Variants in FSTL4 observed in about 807,000 individuals in gnomAD.
FSTL4 encodes the protein follistatin-related protein 4.
In FSTL4, 28 loss-of-function variants were observed where a neutral mutation model predicts 78.2. The observed-to-expected ratio is 0.36, with a 90% confidence interval of 0.27 to 0.49. The LOEUF (loss-of-function observed/expected upper bound fraction) is 0.49. Ranked by LOEUF, FSTL4 falls within the 20% of genes least tolerant of loss-of-function variation. The pLI is 0.98. For missense variants in FSTL4, 922 were observed against 1,084.9 expected, an observed-to-expected ratio of 0.85 and a Z score of 2.11; for synonymous variants, 422 against 440.5, an observed-to-expected ratio of 0.96 and a Z score of 0.53.
the FSTL4 span, among the ~76,000 whole-genome samples, chr5:133,674,978 G>A: frequency 1.1e-3 from 171 of 152,242 alleles, 5 homozygotes; most frequent in East Asian, 0.029. Context: ...ATAAGTGCTC[G>A]TGGAGATTGC....
At chr5:133,285,047 T>A (rs1003368096) in intron 6 of FSTL4, among the ~76,000 whole-genome samples, 16 of 152,304 alleles carry the variant, frequency 1.1e-4, no homozygotes, top group African/African-American at 3.4e-4. Flanking sequence ...GGTGATGCTA[T>A]GGAAGCCCCA....
the FSTL4 span, among the ~76,000 whole-genome samples, chr5:133,780,544 G>A: frequency 6.6e-6 from 1 of 152,114 alleles, no homozygotes; most frequent in Non-Finnish European, 1.5e-5. Flanking sequence ...ACCTGGCCTG[G>A]CTTATCTGCA....
At chr5:133,764,930 A>T in the FSTL4 span, among the ~76,000 whole-genome samples, 4 of 152,256 alleles carry the variant, frequency 2.6e-5, no homozygotes, top group African/African-American at 9.6e-5. Flanking sequence ...GAACATCCAC[A>T]TCAGACTTGC....
chr5:133,487,707 C>A (rs1758165425), intron 3 of FSTL4, among the ~76,000 whole-genome samples: 1 of 152,140 alleles, frequency 6.6e-6, no homozygotes. Flanking sequence ...CAGGTGTGGC[C>A]AGGGACTGTG....
Position 133,199,678 on chromosome 5 carries a change from T to C in FSTL4, c.1946A>G (p.His649Arg). 6.2e-7 allele frequency: 1 copy of C among 1,614,034 alleles called. No individual in the cohort carries two copies. The highest frequency in any genetic ancestry group is 1.3e-5 in the African/African-American group (1 of 75,024). The change falls in exon 16 of 16, where the codon CAC becomes CGC. Residue 649 changes from histidine (H) to arginine (R), a missense_variant. Transcript: ENST00000265342. The surrounding 1 kb of genome is among the most constrained non-coding windows in gnomAD (Gnocchi z 4.4). ...HHGCVPQAMA[H>R]THLGGYFFIQ... ...GAAGAAGTAGCCGCCCAGGTGGGTG[T>C]GTGCCATGGCCTGGGGCACGCAGCC...
chr5:133,406,783 C>A (rs1756374255), intron 3 of FSTL4, among the ~76,000 whole-genome samples: 1 of 152,224 alleles, frequency 6.6e-6, no homozygotes, highest in African/African-American at 2.4e-5. Context: ...CTCATTTAAT[C>A]CTCCTTAAAG....
intron 3 of FSTL4, among the ~76,000 whole-genome samples, chr5:133,522,415 G>A (rs1316361106): frequency 2.6e-5 from 4 of 151,958 alleles, no homozygotes; most frequent in African/African-American, 9.7e-5. Context: ...TTGGGCATTG[G>A]GATTTAAAAA....
the FSTL4 span, among the ~76,000 whole-genome samples, chr5:133,712,126 G>A: frequency 2.0e-5 from 3 of 152,208 alleles, no homozygotes; most frequent in African/African-American, 7.2e-5. Context: ...GGAGCAGGCA[G>A]TTAAAGTCCA....
Position 133,225,096 on chromosome 5 carries a change from C to G in FSTL4, c.1312+54G>C. The G allele has an allele frequency of 6.2e-7, 1 of 1,610,374 alleles. No homozygotes were observed. The highest frequency in any genetic ancestry group is 1.3e-5 in the African/African-American group (1 of 74,996). Reference sequence around the variant, plus strand: ...CTGGTCAATTGGTGCCCTCCCTTGCCACCCAACACCTCCCAGCCAGCTCAG... The same window carrying G: ...CTGGTCAATTGGTGCCCTCCCTTGCGACCCAACACCTCCCAGCCAGCTCAG... On this transcript the variant is annotated intron_variant, in intron 10 of 15. Transcript: ENST00000265342. The surrounding 1 kb of genome is among the most constrained non-coding windows in gnomAD (Gnocchi z 4.6).
At chr5:133,417,891 G>A (rs541954836) in intron 3 of FSTL4, among the ~76,000 whole-genome samples, 3 of 149,830 alleles carry the variant, frequency 2.0e-5, no homozygotes, top group South Asian at 2.1e-4. Flanking sequence ...CCCGGGAGGC[G>A]GAGGTTGCAG....
At chr5:133,668,336 A>G in the FSTL4 span, among the ~76,000 whole-genome samples, 1 of 152,322 alleles carries the variant, frequency 6.6e-6, no homozygotes, top group East Asian at 1.9e-4. Context: ...GAACCAGGAA[A>G]TCAGCCTCTC....
the FSTL4 span, among the ~76,000 whole-genome samples, chr5:133,824,204 C>T: frequency 6.6e-6 from 1 of 152,234 alleles, no homozygotes; most frequent in Non-Finnish European, 1.5e-5. Context: ...TCAGATCCCA[C>T]AGGACTGCTC....
intron 4 of FSTL4, among the ~76,000 whole-genome samples, chr5:133,373,564 A>G (rs1451073052): frequency 1.3e-5 from 2 of 152,228 alleles, no homozygotes; most frequent in Non-Finnish European, 2.9e-5. Context: ...AGTGAGCTGG[A>G]ATATACTGCT....
intron 3 of FSTL4, among the ~76,000 whole-genome samples, chr5:133,538,949 C>T (rs2112916480): frequency 6.6e-6 from 1 of 152,218 alleles, no homozygotes; most frequent in East Asian, 1.9e-4. Flanking sequence ...AGAGCATCTC[C>T]ACGTGGTCTC....
intron 3 of FSTL4, among the ~76,000 whole-genome samples, chr5:133,510,630 T>C (rs1260937048): frequency 1.3e-5 from 2 of 151,944 alleles, no homozygotes; most frequent in Non-Finnish European, 2.9e-5. Flanking sequence ...CCAGATTTTA[T>C]CTCCCACTCC....
chr5:133,288,056 T>C (rs1173917988), intron 6 of FSTL4, among the ~76,000 whole-genome samples: 1 of 152,254 alleles, frequency 6.6e-6, no homozygotes. Flanking sequence ...GGGTTACTAA[T>C]AGTACCTGTT....
intron 3 of FSTL4, among the ~76,000 whole-genome samples, chr5:133,454,668 C>T (rs1345342473): frequency 3.9e-5 from 6 of 152,340 alleles, no homozygotes; most frequent in African/African-American, 9.6e-5. Flanking sequence ...CAGCCGAGCG[C>T]GAGTCACGAT....
chr5:133,701,402 CAA>C, the FSTL4 span, among the ~76,000 whole-genome samples: 1 of 94,922 alleles, frequency 1.1e-5, no homozygotes, highest in Non-Finnish European at 2.1e-5. Flanking sequence ...GAGTCAGTCT[CAA>C]AAAAAAAAAA....
chr5:133,765,201 A>G, the FSTL4 span, among the ~76,000 whole-genome samples: 1 of 152,248 alleles, frequency 6.6e-6, no homozygotes, highest in Non-Finnish European at 1.5e-5. Context: ...ATGGGTAACT[A>G]TAAGTGAATA....
Sources: gnomAD v4.1 joint callset for allele counts (sites outside exome capture counted in the v4.1 genomes callset) on GRCh38, gnomAD v4.1.1 for gene constraint, Gnocchi (gnomAD v3.1) non-coding constraint, MANE v1.5 for transcripts, NCBI Gene and HGNC (gene_info 2026-07-23, HGNC 2026-07-21) for gene names.